LIMCH1: variants seen among roughly 807,000 people sequenced by gnomAD.
LIMCH1 encodes the protein LIM and calponin homology domains 1.
Under a neutral mutation model 176.5 loss-of-function variants are expected in LIMCH1, and 113 were observed. The observed-to-expected ratio is 0.64, with a 90% confidence interval of 0.55 to 0.75. The LOEUF (loss-of-function observed/expected upper bound fraction) is 0.75, where lower values mean the gene tolerates loss of function less well. LIMCH1 is among the 30% of genes least tolerant of loss of function. The pLI, the probability that LIMCH1 is intolerant of heterozygous loss-of-function variation, is 0.00. For synonymous variants in LIMCH1, 619 were observed against 645.9 expected (o/e 0.96, Z 0.63); for missense variants, 1,674 against 1,814.9 (o/e 0.92, Z 1.41).
chr4:41,602,124 CAAAAA>C (rs540240960), intron 2 of LIMCH1, among the ~76,000 whole-genome samples: 4 of 73,298 alleles, frequency 5.5e-5, no homozygotes, highest in Admixed American at 1.7e-4. Flanking sequence ...TTGAGTAGAC[CAAAAA>C]AAAAAAAAAA....
chr4:41,617,036 T>C (rs898354720), intron 5 of LIMCH1, among the ~76,000 whole-genome samples: 2 of 151,998 alleles, frequency 1.3e-5, no homozygotes, highest in African/African-American at 4.8e-5. Context: ...GACAACATAT[T>C]TGGAGACTTT....
intron 2 of LIMCH1, among the ~76,000 whole-genome samples, chr4:41,497,036 G>A (rs1198373438): frequency 6.6e-6 from 1 of 152,152 alleles, no homozygotes; most frequent in Non-Finnish European, 1.5e-5. Context: ...TAAGCAGTTT[G>A]GCTCTTCTTA....
At chr4:41,544,075 A>G (rs115823957) in intron 1 of LIMCH1, among the ~76,000 whole-genome samples, 509 of 152,132 alleles carry the variant, frequency 3.3e-3, no homozygotes, top group Middle Eastern at 0.014. Flanking sequence ...TATATTTCAG[A>G]TACCCCCCCA....
At chr4:41,463,555 C>T (rs1246351470) in intron 1 of LIMCH1, among the ~76,000 whole-genome samples, 2 of 151,328 alleles carry the variant, frequency 1.3e-5, no homozygotes, top group Non-Finnish European at 2.9e-5. Context: ...CCCCTCACTT[C>T]TCCCAATCCT....
chr4:41,563,407 AATCAGAAC>A (rs1207930223), intron 1 of LIMCH1, among the ~76,000 whole-genome samples: 2 of 152,170 alleles, frequency 1.3e-5, no homozygotes, highest in East Asian at 3.8e-4. Flanking sequence ...GAGCATAGAT[AATCAGAAC>A]CCCGCAAACA....
At position 41,510,638 on chromosome 4, in the gene LIMCH1, G is replaced by C. The variant is rs1160980022; in HGVS notation, c.168-13771G>C. 2.0e-5 allele frequency among the ~76,000 whole-genome samples: 3 copies of C among 152,154 alleles called. No homozygotes were observed. The South Asian group carries it at 6.2e-4, about 32-fold the overall frequency. The stretch of plus-strand genomic sequence containing the variant: ...AGTTTCATTCTTGTCGCCTAGGCTG[G>C]AGTGCACTGGCACGATCTCGGCTTG... On this transcript the variant is annotated intron_variant, in intron 2 of 26. Coordinates refer to the LIMCH1 transcript ENST00000313860.
At position 41,662,860 on chromosome 4, in the gene LIMCH1, C is replaced by T. The variant is rs781324916; in HGVS notation, c.3167C>T (p.Pro1056Leu). Residue 1056 changes from proline to leucine, a missense_variant, in exon 20 of 32, where the codon CCG becomes CTG. Pro to Leu is a moderately conservative substitution (Grantham distance 98). Around this residue, in one of 3 missense-constraint regions of LIMCH1, gnomAD observed 1,015 missense variants for 1,102.5 expected, o/e 0.92. Transcript: ENST00000503057. ...HFTTTVTRCS[P>L]TVAFVEFPSS... ...ACAACAACTGTGACTCGATGCAGCC[C>T]GACCGTGGCCTTTGTGGAATTTCCC... The T allele has an allele frequency of 2.0e-5, 32 of 1,613,890 alleles. No homozygotes were observed. Among genetic ancestry groups the T allele is most frequent in the South Asian group, 1.5e-4 (14 of 91,074 alleles).
At chr4:41,416,795 G>A (rs1488856057) in intron 1 of LIMCH1, among the ~76,000 whole-genome samples, 1 of 152,078 alleles carries the variant, frequency 6.6e-6, no homozygotes, top group Non-Finnish European at 1.5e-5. Flanking sequence ...TACTGTGAAT[G>A]AACTGGTCTA....
rs559036235 is a variant in LIMCH1, at chr4:41,395,325, C to T, written c.96+34389C>T. The stretch of plus-strand genomic sequence containing the variant: ...TCGGCTCACTGCAACCTCCACCTCC[C>T]GGGTTCAAGCAGTTCTCCTGTCTCA... On this transcript the variant is annotated intron_variant, in intron 1 of 26. Transcript: ENST00000313860. 5.3e-5 allele frequency among the ~76,000 whole-genome samples: 8 copies of T among 151,470 alleles called. No homozygotes were observed. The East Asian group carries it at 9.8e-4, about 18-fold the overall frequency.
intron 23 of LIMCH1, 46 bp from the exon 24 acceptor site, chr4:41,679,960 G>A (rs374133149): frequency 6.7e-5 from 87 of 1,296,120 alleles, no homozygotes; most frequent in East Asian, 2.6e-4. Context: ...TCCCGATGAC[G>A]TATGCAATGG....
chr4:41,419,356 T>C (rs2060242437), intron 1 of LIMCH1, among the ~76,000 whole-genome samples: 1 of 151,940 alleles, frequency 6.6e-6, no homozygotes, highest in African/African-American at 2.4e-5. Flanking sequence ...TTTTGTATTT[T>C]TAGTAGAGAC....
chr4:41,534,711 C>A (rs1260347590), upstream of LIMCH1, among the ~76,000 whole-genome samples: 1 of 150,146 alleles, frequency 6.7e-6, no homozygotes, highest in African/African-American at 2.4e-5. Flanking sequence ...TTTTTTTTTT[C>A]TATAACCACT....
chr4:41,486,211 G>A (rs13133735), intron 1 of LIMCH1, among the ~76,000 whole-genome samples: 20,618 of 151,984 alleles, frequency 0.14, 1,505 homozygotes, highest in South Asian at 0.24. Flanking sequence ...CTTCCATCTC[G>A]GGCTCTTTTT....
chr4:41,612,955 AT>A, intron 4 of LIMCH1: 1 of 1,533,520 alleles, frequency 6.5e-7, no homozygotes. Flanking sequence ...CTGCTCCAGG[AT>A]TTTACAGAAC....
intron 1 of LIMCH1, among the ~76,000 whole-genome samples, chr4:41,406,777 G>T (rs1169498271): frequency 6.6e-6 from 1 of 152,146 alleles, no homozygotes. Context: ...CCTTTGATGT[G>T]TGTGGTAAGA....
intron 1 of LIMCH1, among the ~76,000 whole-genome samples, chr4:41,581,824 A>AC (rs1561821844): frequency 6.8e-6 from 1 of 147,796 alleles, no homozygotes; most frequent in African/African-American, 2.5e-5. Flanking sequence ...AAAAAAAAAA[A>AC]AAAAAACAAC....
chr4:41,472,516 C>T (rs1205546251), intron 1 of LIMCH1, among the ~76,000 whole-genome samples: 2 of 152,030 alleles, frequency 1.3e-5, no homozygotes, highest in African/African-American at 2.4e-5. Flanking sequence ...GCCTCTTGGG[C>T]CCAAGTGATC....
intron 2 of LIMCH1, among the ~76,000 whole-genome samples, chr4:41,522,910 G>A (rs1044457425): frequency 4.6e-5 from 7 of 152,002 alleles, no homozygotes; most frequent in African/African-American, 7.3e-5. Flanking sequence ...AAAAATAAGT[G>A]CATTCATGAA....
chr4:41,679,596 C>A (rs932272885), intron 23 of LIMCH1, among the ~76,000 whole-genome samples: 1 of 152,136 alleles, frequency 6.6e-6, no homozygotes, highest in Non-Finnish European at 1.5e-5. Flanking sequence ...AATAAACCTT[C>A]AGGGTTTTTC....
Sources: gnomAD v4.1 joint callset for allele counts (sites outside exome capture counted in the v4.1 genomes callset) on GRCh38, gnomAD v4.1.1 for gene constraint, gnomAD v4.1.1 regional missense constraint, MANE v1.5 for transcripts, NCBI Gene and HGNC (gene_info 2026-07-23, HGNC 2026-07-21) for gene names.